OR7C1: variants seen among roughly 807,000 people sequenced by gnomAD.
OR7C1 encodes the protein olfactory receptor 7C1.
For synonymous variants in OR7C1, 152 were observed against 160.7 expected (o/e 0.95, Z 0.41); for missense variants, 324 against 383.3 (o/e 0.85, Z 1.29).
chr19:14,826,588 G>A (rs1161155318), intron 1 of OR7C1: 1 of 152,130 alleles, frequency 6.6e-6, no homozygotes, highest in African/African-American at 2.4e-5. Context: ...GCAATTCAAT[G>A]TATGATTGAC....
rs778058920 is a variant in OR7C1, at chr19:14,821,268, T to C, written c.-622-11275A>G. 3.3e-5 allele frequency among the ~76,000 whole-genome samples: 5 copies of C among 151,956 alleles called. 1 individual carries two copies. Among genetic ancestry groups the C allele is most frequent in the Middle Eastern group, 6.8e-3 (2 of 294 alleles). ...CAAAAATAAAAACAAAAACAAAACATGTGTGGTCCATAAATATGGAATAGA... is the reference window on the plus strand; with the variant it reads ...CAAAAATAAAAACAAAAACAAAACACGTGTGGTCCATAAATATGGAATAGA... On this transcript the variant is annotated intron_variant, in intron 1 of 4. Coordinates refer to ENST00000641666, the Ensembl canonical transcript of OR7C1.
intron 2 of OR7C1, among the ~76,000 whole-genome samples, chr19:14,808,731 T>G (rs2147649522): frequency 6.6e-6 from 1 of 152,124 alleles, no homozygotes; most frequent in African/African-American, 2.4e-5. Flanking sequence ...ATGCAATGTA[T>G]CTATGTAACA....
At chr19:14,806,216 C>G (rs908045095) in intron 2 of OR7C1, among the ~76,000 whole-genome samples, 1 of 151,796 alleles carries the variant, frequency 6.6e-6, no homozygotes, top group Non-Finnish European at 1.5e-5. Flanking sequence ...TGTGTGAGGT[C>G]TTTAGCCTAC....
intron 1 of OR7C1, among the ~76,000 whole-genome samples, chr19:14,833,445 T>C (rs572203639): frequency 5.5e-4 from 83 of 152,280 alleles, no homozygotes; most frequent in Middle Eastern, 6.8e-3. Flanking sequence ...CACCACTGCA[T>C]TCCATCCTGG....
rs934425724 is a variant in OR7C1, at chr19:14,811,685, C to G, written c.-622-1692G>C. 2.7e-4 allele frequency among the ~76,000 whole-genome samples: 41 copies of G among 151,682 alleles called. 1 individual carries two copies. The highest frequency in any genetic ancestry group is 3.4e-3 in the Middle Eastern group (1 of 294). On this transcript the variant is annotated intron_variant, in intron 1 of 4. Transcript: ENST00000641666. Reference sequence around the variant, plus strand: ...TGGCCTGTGGGCAGTAGTTTGCTGACCCCCAGCTTAGAGGGTAGATTCAGA... The same window carrying G: ...TGGCCTGTGGGCAGTAGTTTGCTGAGCCCCAGCTTAGAGGGTAGATTCAGA...
intron 1 of OR7C1, among the ~76,000 whole-genome samples, chr19:14,814,815 G>A (rs897250165): frequency 6.6e-6 from 1 of 152,134 alleles, no homozygotes; most frequent in East Asian, 1.9e-4. Flanking sequence ...ATGACGGGAC[G>A]AGAGGTCAAA....
At chr19:14,818,996 G>C (rs979975175) in intron 1 of OR7C1, among the ~76,000 whole-genome samples, 1 of 151,700 alleles carries the variant, frequency 6.6e-6, no homozygotes, top group Admixed American at 6.6e-5. Context: ...CCATGTTGGC[G>C]TGCTGCACCT....
chr19:14,822,770 G>A (rs1045731830), intron 1 of OR7C1, among the ~76,000 whole-genome samples: 1 of 151,630 alleles, frequency 6.6e-6, no homozygotes, highest in African/African-American at 2.4e-5. Context: ...AATCAGTGAT[G>A]TTGAGCATTT....
At chr19:14,812,387 T>C (rs1599916754) in intron 1 of OR7C1, among the ~76,000 whole-genome samples, 1 of 152,222 alleles carries the variant, frequency 6.6e-6, no homozygotes, top group East Asian at 1.9e-4. Flanking sequence ...ACATAGTAGT[T>C]AAAAATCAAC....
At chr19:14,799,561 G>C in exon 5 of OR7C1, 1 of 1,614,144 alleles carries the variant, frequency 6.2e-7, no homozygotes, top group South Asian at 1.1e-5. Context: ...TATTAATGAA[G>C]GTGTCAGAAC....
chr19:14,809,474 A>G (rs928823624), intron 2 of OR7C1, among the ~76,000 whole-genome samples: 1 of 152,036 alleles, frequency 6.6e-6, no homozygotes, highest in African/African-American at 2.4e-5. Context: ...GATTGAAAGC[A>G]AGAAGAAACA....
intron 1 of OR7C1, chr19:14,826,015 G>C (rs538220887): frequency 6.7e-4 from 102 of 152,170 alleles, no homozygotes; most frequent in African/African-American, 2.3e-3. Flanking sequence ...GTATAATTCA[G>C]ATAACTGTAT....
exon 5 of OR7C1, chr19:14,799,199 C>A: frequency 6.2e-7 from 1 of 1,612,268 alleles, no homozygotes; most frequent in Non-Finnish European, 8.5e-7. Context: ...AGTGATGTCA[C>A]CATTAAAAAA....
intron 1 of OR7C1, among the ~76,000 whole-genome samples, chr19:14,816,241 T>G (rs2044715895): frequency 6.6e-6 from 1 of 152,126 alleles, no homozygotes; most frequent in Non-Finnish European, 1.5e-5. Flanking sequence ...TGATAAGGTG[T>G]GTGATGGTTA....
At chr19:14,826,366 T>C (rs1185997601) in intron 1 of OR7C1, 1 of 152,234 alleles carries the variant, frequency 6.6e-6, no homozygotes, top group Non-Finnish European at 1.5e-5. Context: ...GACAAAATTT[T>C]ATAATGAAGG....
At chr19:14,814,151 C>A (rs775889818) in intron 1 of OR7C1, among the ~76,000 whole-genome samples, 2 of 147,950 alleles carry the variant, frequency 1.4e-5, no homozygotes, top group South Asian at 4.2e-4. Context: ...GAAGCACAGG[C>A]GACAAAAGGA....
intron 1 of OR7C1, among the ~76,000 whole-genome samples, chr19:14,812,336 G>A (rs187814758): frequency 2.6e-5 from 4 of 152,148 alleles, no homozygotes; most frequent in Admixed American, 2.0e-4. Flanking sequence ...CAGGCAGCCC[G>A]GTGCCAGGCC....
chr19:14,827,267 C>A, intron 1 of OR7C1: 2 of 1,528,514 alleles, frequency 1.3e-6, no homozygotes, highest in East Asian at 2.3e-5. Context: ...ACCTCTGAAG[C>A]TTAGAGCCCT....
intron 1 of OR7C1, chr19:14,824,293 A>G (rs557215127): frequency 6.6e-6 from 1 of 152,322 alleles, no homozygotes; most frequent in East Asian, 1.9e-4. Context: ...ATATTGTGTG[A>G]CACTAAAGTT....
Sources: gnomAD v4.1 joint callset for allele counts (sites outside exome capture counted in the v4.1 genomes callset) on GRCh38, gnomAD v4.1.1 for gene constraint, MANE v1.5 for transcripts, NCBI Gene and HGNC (gene_info 2026-07-23, HGNC 2026-07-21) for gene names.